STEAP4: variants seen among roughly 807,000 people sequenced by gnomAD.
STEAP4 encodes the protein metalloreductase STEAP4.
In STEAP4, 36 loss-of-function variants were observed where a neutral mutation model predicts 43.6. The ratio of observed to expected loss-of-function variants is 0.83; its 90% CI spans 0.63 to 1.09. The LOEUF (loss-of-function observed/expected upper bound fraction) is 1.09. STEAP4 is among the 50% of genes least tolerant of loss of function. The pLI, the probability that STEAP4 is intolerant of heterozygous loss-of-function variation, is 0.00. For missense variants in STEAP4, 495 were observed against 546.5 expected (o/e 0.91, Z 0.94); for synonymous variants, 191 against 196.7 (o/e 0.97, Z 0.24).
chr7:88,292,818 T>G (rs965322222), intron 1 of STEAP4: 2 of 152,198 alleles, frequency 1.3e-5, no homozygotes, highest in Non-Finnish European at 2.9e-5. Context: ...CTAGCATTTT[T>G]TCACTCAGCA....
Position 88,284,014 on chromosome 7 carries a change from A to G in STEAP4, c.256T>C (p.Tyr86His). The change falls in exon 2 of 5, where the codon TAT becomes CAT. Residue 86 changes from tyrosine (Y) to histidine (H), a missense_variant. Physicochemically the swap from Tyr to His is moderately conservative, Grantham distance 83. Coordinates refer to ENST00000380079, the MANE Select transcript of STEAP4 (RefSeq NM_024636.4). ...TCAGTTAATTCTGTGAGAAAATCAT[A>G]ATGCTCTCTGTGGATTGCTATGATT... The part of the protein sequence containing the change: ...IIIIAIHREH[Y>H]DFLTELTEVL... The G allele has an allele frequency of 6.2e-7, 1 of 1,614,164 alleles. No homozygotes were observed. Among genetic ancestry groups the G allele is most frequent in the Non-Finnish European group, 8.5e-7 (1 of 1,180,020 alleles).
chr7:88,286,378 C>A (rs1004609185), intron 1 of STEAP4, among the ~76,000 whole-genome samples: 9 of 152,038 alleles, frequency 5.9e-5, no homozygotes, highest in Admixed American at 1.3e-4. Flanking sequence ...ATGTTTCCTG[C>A]ATGATTTTAA....
At chr7:88,292,419 A>G (rs2115995042) in intron 1 of STEAP4, 1 of 152,288 alleles carries the variant, frequency 6.6e-6, no homozygotes, top group East Asian at 1.9e-4. Context: ...TTCAGTTCTT[A>G]TACTTAACAA....
rs1211844483 is a variant in STEAP4 at position 88,279,120 on chromosome 7, A to G, written c.*278T>C. 2.4e-6 allele frequency: 1 copy of G among 422,020 alleles called. No individual in the cohort carries two copies. The highest frequency in any genetic ancestry group is 4.4e-6 in the Non-Finnish European group (1 of 229,870). The allele number at this position is 422,020 out of a possible 1,614,324, so 26.1% of individuals were successfully genotyped here. ...ATAACAAGGAAACTCTTTAGTGTGA[A>G]ACCACAAGGCTAGTCTCAATCTCAG... On this transcript the variant is annotated 3_prime_UTR_variant, in exon 5 of 5. Coordinates refer to ENST00000380079, the MANE Select transcript of STEAP4 (RefSeq NM_024636.4).
chr7:88,282,396 C>T (rs1262696604), intron 3 of STEAP4: 2 of 502,926 alleles, frequency 4.0e-6, no homozygotes, highest in African/African-American at 3.9e-5. Flanking sequence ...ATTCACCTGC[C>T]TCGGAATCCC....
intron 1 of STEAP4, among the ~76,000 whole-genome samples, chr7:88,301,624 T>C (rs1853036740): frequency 6.6e-6 from 1 of 150,686 alleles, no homozygotes; most frequent in Admixed American, 6.6e-5. Flanking sequence ...GGTGGTGCCA[T>C]CCTCTACCTC....
chr7:88,291,920 T>TG (rs1220802665), intron 1 of STEAP4, among the ~76,000 whole-genome samples: 2 of 152,204 alleles, frequency 1.3e-5, no homozygotes, highest in Non-Finnish European at 2.9e-5. Context: ...GGACTGGTTT[T>TG]GCCTCTTATG....
chr7:88,298,325 C>T (rs1852963731), intron 1 of STEAP4: 1 of 151,948 alleles, frequency 6.6e-6, no homozygotes, highest in Admixed American at 6.6e-5. Context: ...GGAACAGGGT[C>T]CACTGGAAAG....
intron 1 of STEAP4, among the ~76,000 whole-genome samples, chr7:88,286,076 A>C (rs181065558): frequency 1.4e-4 from 22 of 152,320 alleles, no homozygotes; most frequent in Admixed American, 1.2e-3. Context: ...AGCACCTGTC[A>C]AAGTTTTATA....
chr7:88,297,369 G>A (rs1038926946), intron 1 of STEAP4, among the ~76,000 whole-genome samples: 2 of 152,166 alleles, frequency 1.3e-5, no homozygotes, highest in Non-Finnish European at 2.9e-5. Context: ...AGAATTCAGA[G>A]CAGAGTGATG....
intron 2 of STEAP4, 155 bp from the exon 3 acceptor site, chr7:88,283,323 T>C: frequency 2.4e-6 from 2 of 848,664 alleles, no homozygotes; most frequent in South Asian, 4.8e-5. Context: ...TAACAAGATG[T>C]TTTAAACTTG....
chr7:88,291,064 T>G (rs1014116871), intron 1 of STEAP4: 2 of 152,132 alleles, frequency 1.3e-5, no homozygotes, highest in African/African-American at 4.8e-5. Context: ...GGTAATCTAT[T>G]AGTTATTGAA....
In STEAP4 at chr7:88,283,171, A is replaced by G. The variant is rs916969246; in HGVS notation, c.457-3T>C. 3 of 1,528,342 alleles carry G rather than the reference A, an allele frequency of 2.0e-6. No individual in the cohort carries two copies. Among genetic ancestry groups the G allele is most frequent in the African/African-American group, 2.8e-5 (2 of 71,916 alleles). 94.7% of individuals were successfully genotyped at this position (1,528,342 alleles called of 1,614,324 possible). A position where few individuals can be genotyped will look rare whatever the true frequency, so the allele number is the denominator to read the frequency against. ...CTGTCATTTCCACACACAAACACCT[A>G]GTTTAAAAACAGTTAATTAATTCTG... is the stretch of plus-strand genomic sequence containing the variant. On this transcript the variant is annotated splice_polypyrimidine_tract_variant and splice_region_variant and intron_variant, in intron 2 of 4. Coordinates refer to ENST00000380079, the MANE Select transcript of STEAP4 (RefSeq NM_024636.4).
chr7:88,292,468 G>A (rs1852851310), intron 1 of STEAP4: 2 of 152,052 alleles, frequency 1.3e-5, no homozygotes, highest in Non-Finnish European at 2.9e-5. Context: ...TCAAACTTTT[G>A]TTTGATATAA....
chr7:88,298,798 T>A (rs1221908409), intron 1 of STEAP4, among the ~76,000 whole-genome samples: 1 of 152,178 alleles, frequency 6.6e-6, no homozygotes, highest in Non-Finnish European at 1.5e-5. Context: ...AAGAAACTAC[T>A]TCAGGTTGGT....
At chr7:88,283,393 A>C in intron 2 of STEAP4, 1 of 515,148 alleles carries the variant, frequency 1.9e-6, no homozygotes, top group East Asian at 3.2e-5. Context: ...TTTTAGGCAC[A>C]TCACACTTAT....
Position 88,282,774 on chromosome 7 carries a change from T to A in STEAP4, c.851A>T (p.Asp284Val). The A allele has an allele frequency of 6.2e-7, 1 of 1,614,030 alleles. No individual in the cohort carries two copies. The highest frequency in any genetic ancestry group is 8.5e-7 in the Non-Finnish European group (1 of 1,180,002). ...CTGCTTTCGGCAAAGCATCCAGTGG[T>A]CAAGCCAGTCTGGGAATCGACGGTA... is the stretch of plus-strand genomic sequence containing the variant. ...TKYRRFPDWL[D>V]HWMLCRKQLG... is the part of the protein sequence containing the mutation. Residue 284 changes from aspartate (D) to valine (V), a missense_variant, in exon 3 of 5, where the codon GAC becomes GTC. Physicochemically the swap from Asp to Val is radical, Grantham distance 152. Coordinates refer to ENST00000380079, the MANE Select transcript of STEAP4 (RefSeq NM_024636.4).
At chr7:88,295,039 A>G (rs1852902914) in intron 1 of STEAP4, among the ~76,000 whole-genome samples, 1 of 152,222 alleles carries the variant, frequency 6.6e-6, no homozygotes, top group Admixed American at 6.5e-5. Flanking sequence ...AAAGTTTTAT[A>G]TGAAAATTTT....
At chr7:88,302,182 T>C (rs1455233774) in intron 1 of STEAP4, among the ~76,000 whole-genome samples, 1 of 152,188 alleles carries the variant, frequency 6.6e-6, no homozygotes. Flanking sequence ...ACTATGTCCA[T>C]AAGGTAAGTA....
Sources: gnomAD v4.1 joint callset for allele counts (sites outside exome capture counted in the v4.1 genomes callset) on GRCh38, gnomAD v4.1.1 for gene constraint, MANE v1.5 for transcripts, NCBI Gene and HGNC (gene_info 2026-07-23, HGNC 2026-07-21) for gene names.